The following PCDHA4 variants were observed in gnomAD, a reference collection of about 807,000 sequenced individuals.
PCDHA4 encodes the protein protocadherin alpha-4.
PCDHA4 carries 49 observed loss-of-function variants against 61.4 expected under a neutral mutation model. That is an observed-to-expected ratio of 0.80 (90% CI 0.63 to 1.01). PCDHA4 has a LOEUF of 1.01. PCDHA4 is among the 50% of genes least tolerant of loss of function. The pLI is 0.00. For synonymous variants in PCDHA4, 590 were observed against 550.3 expected, an observed-to-expected ratio of 1.07 and a Z score of -1.01; for missense variants, 1,254 against 1,235.8, an observed-to-expected ratio of 1.01 and a Z score of -0.22.
In PCDHA4 at chr5:140,819,305, TA is replaced by T. The variant is rs2150103719; in HGVS notation, c.2385+9734del. 1.3e-3 allele frequency among the ~76,000 whole-genome samples: 198 copies of T among 152,318 alleles called. 1 individual carries two copies. The highest frequency in any genetic ancestry group is 4.3e-3 in the African/African-American group (178 of 41,586). ...AGAAAAATATAGCTTATTAAAATTT[TA>T]TTCTGGGTTTTGTAAGGAATAAAGG... is the stretch of plus-strand genomic sequence containing the variant. On this transcript the variant is annotated intron_variant, in intron 1 of 3. Coordinates refer to ENST00000530339, the MANE Select transcript of PCDHA4 (RefSeq NM_018907.4).
At chr5:140,923,071 C>T (rs1319984584) in intron 1 of PCDHA4, among the ~76,000 whole-genome samples, 2 of 152,202 alleles carry the variant, frequency 1.3e-5, no homozygotes, top group Non-Finnish European at 2.9e-5. Context: ...TAGGTCTCCT[C>T]ATGTCAGCAC....
At chr5:140,836,282 G>A in intron 1 of PCDHA4, 2 of 1,613,808 alleles carry the variant, frequency 1.2e-6, no homozygotes, top group Non-Finnish European at 1.7e-6. Context: ...AGATCAGCAC[G>A]ACACGAGCCC....
intron 1 of PCDHA4, 163 bp downstream of exon 1, chr5:140,809,735 A>C: frequency 1.4e-6 from 1 of 727,052 alleles, no homozygotes; most frequent in Non-Finnish European, 2.2e-6. Context: ...CATCAGAGCA[A>C]TATATATTGC....
intron 1 of PCDHA4, chr5:140,823,606 C>A: frequency 6.2e-7 from 1 of 1,614,048 alleles, no homozygotes; most frequent in Non-Finnish European, 8.5e-7. Context: ...GTATGAGCTG[C>A]AGCCAGCGCC....
intron 1 of PCDHA4, chr5:140,821,797 A>G: frequency 6.2e-7 from 1 of 1,613,014 alleles, no homozygotes; most frequent in Non-Finnish European, 8.5e-7. Context: ...CCGGAGAGGA[A>G]GTCTGGGATC....
At chr5:140,850,470 C>T (rs2041624410) in intron 1 of PCDHA4, 2 of 1,597,978 alleles carry the variant, frequency 1.3e-6, no homozygotes, top group East Asian at 4.5e-5. Context: ...GGAGCCAGCG[C>T]TGACGGCCAC....
chr5:140,881,480 TTG>T, intron 1 of PCDHA4: 2 of 445,316 alleles, frequency 4.5e-6, no homozygotes, highest in Non-Finnish European at 5.9e-6. Context: ...GGCTAAATTA[TTG>T]TGTTTATGCA....
intron 1 of PCDHA4, among the ~76,000 whole-genome samples, chr5:140,972,811 G>A (rs1458279738): frequency 2.6e-5 from 4 of 151,876 alleles, no homozygotes; most frequent in African/African-American, 4.8e-5. Flanking sequence ...TTACAGGCAC[G>A]CGCCACCACG....
chr5:140,846,829 T>C (rs1554141506), intron 1 of PCDHA4, among the ~76,000 whole-genome samples: 1 of 149,526 alleles, frequency 6.7e-6, no homozygotes, highest in African/African-American at 2.5e-5. Flanking sequence ...AAATAAAGAA[T>C]ATGAGTCACA....
intron 1 of PCDHA4, chr5:140,827,889 T>C: frequency 1.4e-6 from 1 of 707,002 alleles, no homozygotes; most frequent in South Asian, 1.9e-5. Flanking sequence ...AATTGATTTC[T>C]TACCTTTTGG....
intron 1 of PCDHA4, among the ~76,000 whole-genome samples, chr5:140,963,912 A>C (rs2095797972): frequency 6.6e-6 from 1 of 152,246 alleles, no homozygotes. Flanking sequence ...AGTGAAGCTT[A>C]GGCTAAGTAA....
intron 1 of PCDHA4, chr5:140,828,846 T>C (rs1554131594): frequency 2.5e-6 from 4 of 1,614,040 alleles, no homozygotes. Context: ...GTAAGAATAT[T>C]CGAAAATGCA....
chr5:140,835,883 C>A, intron 1 of PCDHA4: 4 of 1,611,944 alleles, frequency 2.5e-6, no homozygotes, highest in Non-Finnish European at 3.4e-6. Flanking sequence ...TGCGGGTGGG[C>A]GAGCGCGCGC....
At chr5:140,848,284 A>G (rs1378049676) in intron 1 of PCDHA4, 1 of 612,322 alleles carries the variant, frequency 1.6e-6, no homozygotes, top group Non-Finnish European at 2.9e-6. Flanking sequence ...ATGTACTTAC[A>G]CTTTGGGCCA....
chr5:140,899,969 A>G (rs2067649868), intron 1 of PCDHA4, among the ~76,000 whole-genome samples: 1 of 151,820 alleles, frequency 6.6e-6, no homozygotes, highest in African/African-American at 2.4e-5. Flanking sequence ...TGCCATGCCC[A>G]GCTACTTTTT....
At chr5:140,822,922 C>G in intron 1 of PCDHA4, 3 of 1,614,270 alleles carry the variant, frequency 1.9e-6, no homozygotes, top group Non-Finnish European at 2.5e-6. Flanking sequence ...TGCCAACGGG[C>G]AGGTGACCTG....
rs572947059 is a variant in PCDHA4 at position 141,007,735 on chromosome 5, A to G, written c.2534-1892A>G. Reference sequence around the variant, plus strand: ...CCACCAGGGAGAACAAAGGTTAACCACTGAAGATAACTTTGGACTCTTATT... The same window carrying G: ...CCACCAGGGAGAACAAAGGTTAACCGCTGAAGATAACTTTGGACTCTTATT... On this transcript the variant is annotated intron_variant, in intron 3 of 3. Coordinates refer to ENST00000530339, the MANE Select transcript of PCDHA4 (RefSeq NM_018907.4). Among the ~76,000 whole-genome samples, 58 of 152,336 alleles carry G rather than the reference A, an allele frequency of 3.8e-4. 1 individual carries two copies. Among genetic ancestry groups the G allele is most frequent in the South Asian group, 2.9e-3 (14 of 4,824 alleles).
At chr5:140,859,049 C>A (rs1416112480) in intron 1 of PCDHA4, 2 of 150,472 alleles carry the variant, frequency 1.3e-5, no homozygotes, top group African/African-American at 4.9e-5. Flanking sequence ...AAAACGTTTT[C>A]CATTTTTATT....
intron 1 of PCDHA4, chr5:140,852,727 G>C: frequency 1.0e-6 from 1 of 983,528 alleles, no homozygotes; most frequent in South Asian, 4.8e-5. Flanking sequence ...CGTTTTTCAA[G>C]TTTCATGTGC....
Sources: allele counts gnomAD v4.1 joint callset (sites outside exome capture counted in the v4.1 genomes callset), GRCh38; gene constraint gnomAD v4.1.1; transcripts MANE v1.5; gene names NCBI Gene and HGNC (gene_info 2026-07-23, HGNC 2026-07-21).